Variants in MACROD2 observed in about 807,000 individuals in gnomAD.
The protein encoded by MACROD2 is ADP-ribose glycohydrolase MACROD2.
MACROD2 carries 36 observed loss-of-function variants against 70.4 expected under a neutral mutation model. The observed-to-expected ratio is 0.51, with a 90% confidence interval of 0.39 to 0.68. The LOEUF (loss-of-function observed/expected upper bound fraction) is 0.68. Ranked by LOEUF, MACROD2 falls within the 30% of genes least tolerant of loss-of-function variation. The probability of loss-of-function intolerance (pLI) is 0.00; values close to 1 mark genes in which losing one functional copy is unlikely to be tolerated. For missense variants in MACROD2, 496 were observed against 538.4 expected, an observed-to-expected ratio of 0.92 and a Z score of 0.78; for synonymous variants, 172 against 178.8, an observed-to-expected ratio of 0.96 and a Z score of 0.30.
At position 15,748,883 on chromosome 20, in the gene MACROD2, G is replaced by A. The variant is rs144266804; in HGVS notation, c.646-113862G>A. Among the ~76,000 whole-genome samples the A allele has an allele frequency of 1.6e-3, 245 of 152,204 alleles. 1 individual carries two copies. Among genetic ancestry groups the A allele is most frequent in the African/African-American group, 5.7e-3 (237 of 41,556 alleles). On this transcript the variant is annotated intron_variant, in intron 8 of 17. Coordinates refer to ENST00000684519, the MANE Select transcript of MACROD2 (RefSeq NM_001351661.2). ...TGGAGGGCTATAGTAAGAAGAGCAG[G>A]CTTTAATCTTCGTTCCACCATTTGC... is the stretch of plus-strand genomic sequence containing the variant.
In MACROD2 at chr20:15,827,309, A is replaced by G. The variant is rs867863980; in HGVS notation, c.646-35436A>G. On this transcript the variant is annotated intron_variant, in intron 8 of 17. Coordinates refer to ENST00000684519, the MANE Select transcript of MACROD2 (RefSeq NM_001351661.2). ...GGATCATTTCAATAAATATTAAGGG[A>G]GATTATGTATATAAGATATTATTTA... is the stretch of plus-strand genomic sequence containing the variant. 5.3e-5 allele frequency among the ~76,000 whole-genome samples: 8 copies of G among 152,302 alleles called. No individual in the cohort carries two copies. In the South Asian group the frequency reaches 1.5e-3, roughly 28 times the overall value.
intron 3 of MACROD2, among the ~76,000 whole-genome samples, chr20:14,452,063 AC>A (rs1462717085): frequency 2.0e-5 from 3 of 151,994 alleles, no homozygotes; most frequent in Non-Finnish European, 4.4e-5. Context: ...AGGATTTTGA[AC>A]CCAGGTATTT....
At chr20:14,631,221 T>G (rs1195581822) in intron 4 of MACROD2, among the ~76,000 whole-genome samples, 1 of 152,096 alleles carries the variant, frequency 6.6e-6, no homozygotes, top group Non-Finnish European at 1.5e-5. Flanking sequence ...AAAGAGGAGA[T>G]TTACAGCAAC....
chr20:15,009,550 A>T (rs2075065473), intron 5 of MACROD2, among the ~76,000 whole-genome samples: 1 of 152,118 alleles, frequency 6.6e-6, no homozygotes, highest in Non-Finnish European at 1.5e-5. Flanking sequence ...TATTACCCAA[A>T]ATTTCTATAA....
intron 5 of MACROD2, among the ~76,000 whole-genome samples, chr20:14,841,230 T>G (rs1209050917): frequency 6.6e-6 from 1 of 152,092 alleles, no homozygotes; most frequent in Non-Finnish European, 1.5e-5. Context: ...GATAAAATAA[T>G]GAAGAAAAGA....
intron 4 of MACROD2, among the ~76,000 whole-genome samples, chr20:14,530,322 A>G (rs566798964): frequency 1.5e-3 from 234 of 152,332 alleles, no homozygotes; most frequent in African/African-American, 5.3e-3. Flanking sequence ...AACAACTGCC[A>G]CATTCCTTTA....
intron 6 of MACROD2, among the ~76,000 whole-genome samples, chr20:15,397,572 C>T (rs1263579356): frequency 6.6e-6 from 1 of 152,196 alleles, no homozygotes; most frequent in Non-Finnish European, 1.5e-5. Context: ...GTTGGGATTA[C>T]AGGTGTGAGC....
At chr20:15,604,064 T>C (rs901185978) in intron 8 of MACROD2, among the ~76,000 whole-genome samples, 2 of 152,184 alleles carry the variant, frequency 1.3e-5, no homozygotes, top group African/African-American at 4.8e-5. Context: ...GTAGGCTAGC[T>C]TTCTGCATCC....
intron 3 of MACROD2, among the ~76,000 whole-genome samples, chr20:14,342,988 G>A (rs911922054): frequency 3.3e-5 from 5 of 151,964 alleles, no homozygotes; most frequent in Non-Finnish European, 7.4e-5. Flanking sequence ...CTGAGAAAAA[G>A]CACCTCCTTG....
intron 8 of MACROD2, among the ~76,000 whole-genome samples, chr20:15,509,975 C>G (rs2047477107): frequency 6.6e-6 from 1 of 152,200 alleles, no homozygotes; most frequent in South Asian, 2.1e-4. Context: ...AAAGATCAAG[C>G]AACATTTGCA....
intron 5 of MACROD2, among the ~76,000 whole-genome samples, chr20:14,926,567 T>G: frequency 6.7e-6 from 1 of 150,302 alleles, no homozygotes; most frequent in Admixed American, 6.7e-5. Flanking sequence ...AAAGGAAGCA[T>G]TATGTTTGAG....
intron 6 of MACROD2, among the ~76,000 whole-genome samples, chr20:15,311,701 C>T (rs1770962156): frequency 6.6e-6 from 1 of 152,118 alleles, no homozygotes; most frequent in Admixed American, 6.5e-5. Context: ...CCAAATACTG[C>T]ATGTTCTCAC....
intron 3 of MACROD2, among the ~76,000 whole-genome samples, chr20:14,467,232 T>A (rs564378161): frequency 6.6e-6 from 1 of 152,270 alleles, no homozygotes; most frequent in East Asian, 1.9e-4. Context: ...GCCTGAGCAA[T>A]GGCAGGCGCC....
intron 4 of MACROD2, among the ~76,000 whole-genome samples, chr20:14,607,326 CT>C (rs1982868090): frequency 6.6e-6 from 1 of 152,116 alleles, no homozygotes; most frequent in Non-Finnish European, 1.5e-5. Context: ...GCTAGATTAT[CT>C]TCATAAAATC....
chr20:15,912,019 A>G (rs1339672549), intron 10 of MACROD2, among the ~76,000 whole-genome samples: 1 of 152,228 alleles, frequency 6.6e-6, no homozygotes, highest in Non-Finnish European at 1.5e-5. Context: ...AAAACAAAAA[A>G]CAAAACAACA....
rs560807632 is a variant in MACROD2, at chr20:15,796,935, G to T, written c.646-65810G>T. On this transcript the variant is annotated intron_variant, in intron 8 of 17. Transcript: ENST00000684519. ...AATGCCTGTTATATATACGAGCTAG[G>T]AGTGTGTTTGACTGCAATTAATAGT... Among the ~76,000 whole-genome samples, 13 of 152,260 alleles carry T rather than the reference G, an allele frequency of 8.5e-5. No homozygotes were observed. In the East Asian group the frequency reaches 2.5e-3, roughly 29 times the overall value.
intron 5 of MACROD2, among the ~76,000 whole-genome samples, chr20:14,755,556 T>A (rs1212636158): frequency 6.6e-6 from 1 of 152,088 alleles, no homozygotes; most frequent in Non-Finnish European, 1.5e-5. Context: ...TAGCCTTATC[T>A]ACCAAGAAAA....
intron 5 of MACROD2, among the ~76,000 whole-genome samples, chr20:15,040,846 A>C (rs1316510849): frequency 6.6e-6 from 1 of 152,216 alleles, no homozygotes; most frequent in East Asian, 1.9e-4. Flanking sequence ...TTGGCTTTTA[A>C]CATTCTCATT....
chr20:14,145,075 T>G (rs961632846), intron 3 of MACROD2, among the ~76,000 whole-genome samples: 1 of 152,300 alleles, frequency 6.6e-6, no homozygotes, highest in Non-Finnish European at 1.5e-5. Context: ...ACATCTTCCC[T>G]GTAACCATGA....
Sources: gnomAD v4.1 joint callset for allele counts (sites outside exome capture counted in the v4.1 genomes callset) on GRCh38, gnomAD v4.1.1 for gene constraint, MANE v1.5 for transcripts, NCBI Gene and HGNC (gene_info 2026-07-23, HGNC 2026-07-21) for gene names.